Variants in STXBP4 observed in about 807,000 individuals in gnomAD.
STXBP4 encodes syntaxin-binding protein 4.
In STXBP4, 55 loss-of-function variants were observed where a neutral mutation model predicts 76.1. That is an observed-to-expected ratio of 0.72 (90% CI 0.58 to 0.91). The LOEUF (loss-of-function observed/expected upper bound fraction) is 0.91, where lower values mean the gene tolerates loss of function less well. Ranked by LOEUF, STXBP4 falls within the 40% of genes least tolerant of loss-of-function variation. The pLI, the probability that STXBP4 is intolerant of heterozygous loss-of-function variation, is 0.00. For missense variants in STXBP4, 618 were observed against 636.9 expected (o/e 0.97, Z 0.32); for synonymous variants, 201 against 220.2 (o/e 0.91, Z 0.77).
chr17:55,078,033 A>G, intron 13 of STXBP4, 45 bp from the exon 14 acceptor site: 1 of 1,270,482 alleles, frequency 7.9e-7, no homozygotes, highest in South Asian at 1.4e-5. Context: ...CAGTAATGTA[A>G]AACTGAAGAA....
chr17:55,073,802 G>A (rs1229389183), intron 13 of STXBP4, among the ~76,000 whole-genome samples: 1 of 152,058 alleles, frequency 6.6e-6, no homozygotes, highest in Admixed American at 6.6e-5. Context: ...CTAATTTTTT[G>A]TATTTTTGTA....
chr17:55,115,565 A>G (rs962343041), intron 16 of STXBP4, among the ~76,000 whole-genome samples: 4 of 151,788 alleles, frequency 2.6e-5, no homozygotes, highest in Non-Finnish European at 4.4e-5. Context: ...TTTTGTTCAT[A>G]TATTTTCTGA....
At chr17:55,022,372 T>C (rs2078329372) in intron 8 of STXBP4, among the ~76,000 whole-genome samples, 1 of 152,048 alleles carries the variant, frequency 6.6e-6, no homozygotes, top group Admixed American at 6.5e-5. Flanking sequence ...TCAGAAGAGG[T>C]TGTAAGTGAA....
intron 16 of STXBP4, among the ~76,000 whole-genome samples, chr17:55,139,850 G>A (rs2080076023): frequency 6.6e-6 from 1 of 152,114 alleles, no homozygotes; most frequent in Non-Finnish European, 1.5e-5. Flanking sequence ...CAGAATTTTT[G>A]CTCAAGGTGT....
intron 6 of STXBP4, 94 bp from the exon 7 acceptor site, chr17:55,000,714 T>G (rs2077897086): frequency 1.1e-6 from 1 of 876,564 alleles, no homozygotes; most frequent in East Asian, 2.5e-5. Context: ...GGATAATTAC[T>G]TTAATCTCTT....
intron 12 of STXBP4, 39 bp from the exon 13 acceptor site, chr17:55,072,861 T>C: frequency 6.5e-7 from 1 of 1,547,086 alleles, no homozygotes; most frequent in Non-Finnish European, 8.7e-7. Flanking sequence ...AACTATTTCT[T>C]ATGTATTTTT....
At chr17:55,084,251 A>T (rs1395306887) in intron 16 of STXBP4, among the ~76,000 whole-genome samples, 1 of 151,970 alleles carries the variant, frequency 6.6e-6, no homozygotes, top group Non-Finnish European at 1.5e-5. Context: ...GCATTTTTTC[A>T]TGTGTTTTTT....
chr17:54,992,782 C>T (rs1170832155), intron 4 of STXBP4, among the ~76,000 whole-genome samples: 1 of 146,202 alleles, frequency 6.8e-6, no homozygotes, highest in Non-Finnish European at 1.5e-5. Context: ...ACAATCTCGG[C>T]TCACTGCAAC....
Position 55,159,791 on chromosome 17 carries a change from C to T in STXBP4, c.1548-6C>T. On this transcript the variant is annotated splice_region_variant and splice_polypyrimidine_tract_variant and intron_variant, in intron 17 of 17. Coordinates refer to ENST00000376352, the MANE Select transcript of STXBP4 (RefSeq NM_178509.6). ...AGATTCTAATTGCATTCTTGTTCTT[C>T]TCAAGTCATGTAACACAGACTACAT... is the stretch of plus-strand genomic sequence containing the variant. 6.3e-7 allele frequency: 1 copy of T among 1,583,120 alleles called. No homozygotes were observed. The highest frequency in any genetic ancestry group is 8.7e-7 in the Non-Finnish European group (1 of 1,152,716).
the STXBP4 span, among the ~76,000 whole-genome samples, chr17:55,209,675 G>A: frequency 6.6e-6 from 1 of 152,204 alleles, no homozygotes; most frequent in Non-Finnish European, 1.5e-5. Flanking sequence ...CTGAGGACAC[G>A]TGCTCAACTA....
chr17:55,105,209 G>A (rs2079616064), intron 16 of STXBP4, among the ~76,000 whole-genome samples: 1 of 152,012 alleles, frequency 6.6e-6, no homozygotes, highest in African/African-American at 2.4e-5. Context: ...TTTTAATTGT[G>A]ATGTTAGAGT....
At chr17:55,088,357 G>A (rs2079365724) in intron 16 of STXBP4, among the ~76,000 whole-genome samples, 1 of 152,168 alleles carries the variant, frequency 6.6e-6, no homozygotes, top group African/African-American at 2.4e-5. Flanking sequence ...GATTTTCTCA[G>A]AAAGCTGAAG....
At chr17:54,991,101 T>C in intron 4 of STXBP4, 144 bp downstream of exon 4, 1 of 872,384 alleles carries the variant, frequency 1.1e-6, no homozygotes, top group Non-Finnish European at 1.6e-6. Flanking sequence ...AAGATAAGAC[T>C]ATTGCCCTCA....
Position 54,999,466 on chromosome 17 carries a change from C to T in STXBP4, c.287+15C>T. ...GCCAAGTTGAGGTAACTATACTATC[C>T]ATGAGATAGAATGAGTCATTTAGAA... is the stretch of plus-strand genomic sequence containing the variant. On this transcript the variant is annotated intron_variant, in intron 5 of 17. Transcript: ENST00000376352. 1 of 1,580,816 alleles carries T rather than the reference C, an allele frequency of 6.3e-7. No homozygotes were observed.
the STXBP4 span, among the ~76,000 whole-genome samples, chr17:55,211,798 T>G: frequency 8.4e-6 from 1 of 119,312 alleles, no homozygotes; most frequent in Non-Finnish European, 1.6e-5. Flanking sequence ...TGTTTTTTGT[T>G]GTTTTTTTTT....
chr17:55,091,598 A>C (rs1247016933), intron 16 of STXBP4, among the ~76,000 whole-genome samples: 1 of 152,120 alleles, frequency 6.6e-6, no homozygotes, highest in East Asian at 1.9e-4. Flanking sequence ...AAAAAAACTA[A>C]CAAAACAAAA....
In STXBP4 at chr17:55,166,572, A is replaced by G. The variant is rs2145208262; in HGVS notation, c.*6661A>G. On this transcript the variant is annotated 3_prime_UTR_variant, in exon 18 of 18. Transcript: ENST00000376352. ...TTCTCTTGCCCCATTCCTGCATCAG[A>G]TTTCTTCTCATACATCAAGATTCTG... The G allele has an allele frequency of 6.6e-6, 1 of 152,170 alleles. No individual in the cohort carries two copies. The highest frequency in any genetic ancestry group is 2.1e-4 in the South Asian group (1 of 4,810). The allele number at this position is 152,170 out of a possible 1,614,324, so 9.4% of individuals were successfully genotyped here.
At chr17:55,017,263 C>G (rs74955295) in intron 8 of STXBP4, among the ~76,000 whole-genome samples, 1 of 152,106 alleles carries the variant, frequency 6.6e-6, no homozygotes, top group Non-Finnish European at 1.5e-5. Flanking sequence ...CTCTGTCTCT[C>G]TCCTCTCTGT....
rs114365378 is a variant in STXBP4 at position 54,972,735 on chromosome 17, A to T, written c.-157+3920A>T. Among the ~76,000 whole-genome samples, 1,060 of 152,324 alleles carry T rather than the reference A, an allele frequency of 7.0e-3. 15 individuals are homozygous for T. The highest frequency in any genetic ancestry group is 0.024 in the African/African-American group (999 of 41,566). ...AAAACTCTGAGCACTAGAAGTGTTC[A>T]TTACTAGCCTCTCTCAGCAGAGACC... On this transcript the variant is annotated intron_variant, in intron 1 of 17. Coordinates refer to ENST00000376352, the MANE Select transcript of STXBP4 (RefSeq NM_178509.6).
Sources: allele counts gnomAD v4.1 joint callset (sites outside exome capture counted in the v4.1 genomes callset), GRCh38; gene constraint gnomAD v4.1.1; transcripts MANE v1.5; gene names NCBI Gene and HGNC (gene_info 2026-07-23, HGNC 2026-07-21).